The following TTLL3 variants were observed in gnomAD, a reference collection of about 807,000 sequenced individuals.
TTLL3 encodes the protein tubulin monoglycylase TTLL3.
A neutral mutation model predicts 75.2 loss-of-function variants in TTLL3; 63 were observed. That is an observed-to-expected ratio of 0.84 (90% CI 0.68 to 1.03). The LOEUF (loss-of-function observed/expected upper bound fraction) is 1.03, where lower values mean the gene tolerates loss of function less well. TTLL3 is among the 50% of genes least tolerant of loss of function. TTLL3 has a pLI of 0.00. For synonymous variants in TTLL3, 393 were observed against 418.5 expected, an observed-to-expected ratio of 0.94 and a Z score of 0.74; for missense variants, 997 against 1,069.9, an observed-to-expected ratio of 0.93 and a Z score of 0.95.
intron 8 of TTLL3, among the ~76,000 whole-genome samples, chr3:9,823,851 A>T (rs773082499): frequency 1.3e-5 from 2 of 152,248 alleles, no homozygotes; most frequent in Non-Finnish European, 2.9e-5. Context: ...GAAATGCGAG[A>T]GTCTGGATGA....
chr3:9,816,176 G>T lies in TTLL3; in HGVS notation c.418G>T (p.Ala140Ser). The T allele has an allele frequency of 8.1e-6, 11 of 1,354,052 alleles. No homozygotes were observed. Among genetic ancestry groups the T allele is most frequent in the Non-Finnish European group, 1.1e-5 (11 of 1,015,966 alleles). The allele number at this position is 1,354,052 out of a possible 1,614,324, so 83.9% of individuals were successfully genotyped here. Residue 140 changes from alanine (A) to serine (S), a missense_variant, in exon 5 of 14, where the codon GCC (alanine) becomes TCC (serine). Ala to Ser is a moderately conservative substitution (Grantham distance 99). Transcript: ENST00000685419. ...CAAGGATCAGATGATAAACCACTAC[G>T]CCCGGGCTGGCTCCTTTACCACAAA... ...LSKDQMINHY[A>S]RAGSFTTKVG...
At chr3:9,830,808 ATCTT>A (rs2081447321) in intron 11 of TTLL3, among the ~76,000 whole-genome samples, 1 of 151,704 alleles carries the variant, frequency 6.6e-6, no homozygotes, top group African/African-American at 2.4e-5. Context: ...CCCCCCAAAT[ATCTT>A]TTTTTTTTGA....
rs1372822183 is a variant in TTLL3 at position 9,834,699 on chromosome 3, G to T, written c.1844G>T (p.Ser615Ile). The T allele has an allele frequency of 6.2e-7, 1 of 1,613,926 alleles. No individual in the cohort carries two copies. The highest frequency in any genetic ancestry group is 2.2e-5 in the East Asian group (1 of 44,876). ...CCCACAGCCCGTCACCACTTCCCCA[G>T]CCTCCACACCAAGGCCCAGCTGCCT... ...GSGEARHHFPSLHTKAQLPSP... is the reference protein window; with the variant it reads ...GSGEARHHFPILHTKAQLPSP... The change falls in exon 13 of 14, where the codon AGC becomes ATC. Residue 615 changes from serine (S) to isoleucine (I), a missense_variant. Transcript: ENST00000685419.
chr3:9,817,259 T>G (rs2079964916), intron 5 of TTLL3, among the ~76,000 whole-genome samples: 1 of 151,942 alleles, frequency 6.6e-6, no homozygotes, highest in African/African-American at 2.4e-5. Flanking sequence ...GCCGTCTCTA[T>G]TAAAAATACA....
intron 10 of TTLL3, chr3:9,828,670 A>G (rs2081270131): frequency 2.2e-6 from 1 of 446,656 alleles, no homozygotes; most frequent in African/African-American, 2.0e-5. Context: ...CCACCCTCTT[A>G]TCTTCCAGAC....
intron 2 of TTLL3, among the ~76,000 whole-genome samples, chr3:9,812,025 C>G (rs1316647368): frequency 2.0e-5 from 3 of 152,252 alleles, no homozygotes; most frequent in African/African-American, 7.2e-5. Context: ...TGCTTAATTT[C>G]TCTATGCCTC....
chr3:9,833,757 C>T (rs1250369382), intron 12 of TTLL3, among the ~76,000 whole-genome samples: 1 of 152,154 alleles, frequency 6.6e-6, no homozygotes, highest in Non-Finnish European at 1.5e-5. Flanking sequence ...ATGAGGATCG[C>T]TTGAGCCCGG....
rs757476997 is a variant in TTLL3 at position 9,818,907 on chromosome 3, G to C, written c.645G>C (p.Glu215Asp). ...AGTCATACCCTATTCAGGCAGTAGAGGAAGAGGCCTCAGGTAAGTACTGTG... is the reference window on the plus strand; with the variant it reads ...AGTCATACCCTATTCAGGCAGTAGACGAAGAGGCCTCAGGTAAGTACTGTG... ...EWKSYPIQAV[E>D]EEASGDKQPK... Residue 215 changes from glutamate to aspartate, a missense_variant, in exon 7 of 14, where the codon GAG (glutamate) becomes GAC (aspartate). Physicochemically the swap from Glu to Asp is conservative, Grantham distance 45 (BLOSUM62 2). Transcript: ENST00000685419. 6.2e-7 allele frequency: 1 copy of C among 1,614,116 alleles called. No homozygotes were observed. Among genetic ancestry groups the C allele is most frequent in the Non-Finnish European group, 8.5e-7 (1 of 1,180,008 alleles).
chr3:9,820,447 C>T, intron 7 of TTLL3, 99 bp from the exon 8 acceptor site: 3 of 1,558,962 alleles, frequency 1.9e-6, no homozygotes, highest in Non-Finnish European at 2.6e-6. Context: ...TCGTGCTGGG[C>T]CTCAGGTAAG....
At position 9,827,119 on chromosome 3, in the gene TTLL3, A is replaced by C; in HGVS notation, c.1126A>C (p.Thr376Pro). 6.2e-7 allele frequency: 1 copy of C among 1,614,200 alleles called. No homozygotes were observed. Among genetic ancestry groups the C allele is most frequent in the Admixed American group, 1.7e-5 (1 of 60,022 alleles). The change falls in exon 10 of 14, where the codon ACC becomes CCC. Residue 376 changes from threonine (T) to proline (P), a missense_variant. Physicochemically the swap from Thr to Pro is conservative, Grantham distance 38 (BLOSUM62 -1). Transcript: ENST00000685419. ...YIERPLLIFG[T>P]KFDLRQWFLV... ...TGAGCGGCCCCTCCTCATCTTTGGC[A>C]CCAAGTTTGACCTCAGACAGTGGTT...
At position 9,835,648 on chromosome 3, in the gene TTLL3, C is replaced by A. The variant is rs2081983169; in HGVS notation, c.*159C>A. 2.8e-6 allele frequency: 2 copies of A among 713,478 alleles called. No individual in the cohort carries two copies. Among genetic ancestry groups the A allele is most frequent in the Non-Finnish European group, 4.4e-6 (2 of 450,646 alleles). The allele number at this position is 713,478 out of a possible 1,614,324, so 44.2% of individuals were successfully genotyped here. ...AAGAAACTGAGTCTGAAAGAGGAGG[C>A]ATGGCTTACCCAAGATCACGTGGCA... On this transcript the variant is annotated 3_prime_UTR_variant, in exon 14 of 14. Transcript: ENST00000685419.
chr3:9,831,633 G>A (rs999070368), intron 11 of TTLL3, among the ~76,000 whole-genome samples: 1 of 152,068 alleles, frequency 6.6e-6, no homozygotes, highest in African/African-American at 2.4e-5. Flanking sequence ...TAATTGTTTT[G>A]ATACCAGTTT....
Position 9,833,233 on chromosome 3 carries a change from G to A in TTLL3, c.1813G>A (p.Gly605Ser), listed in dbSNP as rs78141123. ...RPAVPLLTQR[G>S]SGEARHHFPS... is the part of the protein sequence containing the mutation. ...AGCAGTCCCTCTGCTGACCCAGCGAGGCTCTGGGGAAGGCAAGGACTCGGG... is the reference window on the plus strand; with the variant it reads ...AGCAGTCCCTCTGCTGACCCAGCGAAGCTCTGGGGAAGGCAAGGACTCGGG... The change falls in exon 12 of 14, where the codon GGC becomes AGC. Residue 605 changes from glycine to serine, a missense_variant. Gly to Ser is a moderately conservative substitution (Grantham distance 56). Coordinates refer to ENST00000685419, the MANE Select transcript of TTLL3 (RefSeq NM_001387446.1). 1.4e-4 allele frequency: 222 copies of A among 1,614,018 alleles called. 1 individual carries two copies. In the East Asian group the frequency reaches 2.7e-3, roughly 20 times the overall value.
intron 11 of TTLL3, among the ~76,000 whole-genome samples, chr3:9,829,856 T>C (rs575456271): frequency 6.6e-6 from 1 of 152,348 alleles, no homozygotes; most frequent in East Asian, 1.9e-4. Context: ...CATTTATTTA[T>C]TTTTGAGACA....
chr3:9,818,805 C>T lies in TTLL3; in HGVS notation c.560-17C>T. 6.2e-7 allele frequency: 1 copy of T among 1,613,970 alleles called. No individual in the cohort carries two copies. On this transcript the variant is annotated splice_polypyrimidine_tract_variant and intron_variant, in intron 6 of 13. Coordinates refer to ENST00000685419, the MANE Select transcript of TTLL3 (RefSeq NM_001387446.1). Reference sequence around the variant, plus strand: ...AAGCCTAGGGGCTGAGCAGGGTATCCCCTGGCCTGGGAGCAGAGGACTTCT... The same window carrying T: ...AAGCCTAGGGGCTGAGCAGGGTATCTCCTGGCCTGGGAGCAGAGGACTTCT...
chr3:9,818,445 T>G lies in TTLL3; in HGVS notation c.560-377T>G, dbSNP rs183989519. 4.7e-3 allele frequency: 861 copies of G among 184,684 alleles called. 9 individuals carry two copies. The highest frequency in any genetic ancestry group is 0.019 in the African/African-American group (803 of 42,302). 11.4% of individuals were successfully genotyped at this position (184,684 alleles called of 1,614,324 possible). A position where few individuals can be genotyped will look rare whatever the true frequency, so the allele number is the denominator to read the frequency against. On this transcript the variant is annotated intron_variant, in intron 6 of 13. Coordinates refer to ENST00000685419, the MANE Select transcript of TTLL3 (RefSeq NM_001387446.1). Reference sequence around the variant, plus strand: ...GTGCAGTGGCGCGATCTTGGCTCACTGCAAGCTCCGCCTCCCAGGTTCCCG... The same window carrying G: ...GTGCAGTGGCGCGATCTTGGCTCACGGCAAGCTCCGCCTCCCAGGTTCCCG...
At position 9,835,079 on chromosome 3, in the gene TTLL3, TC is replaced by T. The variant is rs767784578; in HGVS notation, c.2053-13del. 1.2e-5 allele frequency: 19 copies of T among 1,597,672 alleles called. No homozygotes were observed. The South Asian group carries it at 2.0e-4, about 17-fold the overall frequency. ...TTCTGATCATCTCCCTCTTCTCCCC[TC>T]CTTTCACACCGAGGCTCCTGCTCTC... On this transcript the variant is annotated splice_polypyrimidine_tract_variant and intron_variant, in intron 13 of 13. Transcript: ENST00000685419.
rs536927884 is a variant in TTLL3 at position 9,814,446 on chromosome 3, G to T, written c.315+1101G>T. On this transcript the variant is annotated intron_variant, in intron 4 of 13. Transcript: ENST00000685419. ...GGATCACCTGAGGTCAGGAGTTCAA[G>T]ACCAACCGGGCCAACATGGTGAAAC... Among the ~76,000 whole-genome samples, 3 of 152,260 alleles carry T rather than the reference G, an allele frequency of 2.0e-5. No individual in the cohort carries two copies. In the South Asian group the frequency reaches 6.2e-4, roughly 32 times the overall value.
At chr3:9,826,024 G>A (rs1575399390) in intron 9 of TTLL3, 76 bp downstream of exon 9, 1 of 1,556,624 alleles carries the variant, frequency 6.4e-7, no homozygotes. Flanking sequence ...GAAGTTAATA[G>A]TGCAGGTCTA....
Sources: allele counts gnomAD v4.1 joint callset (sites outside exome capture counted in the v4.1 genomes callset), GRCh38; gene constraint gnomAD v4.1.1; transcripts MANE v1.5; gene names NCBI Gene and HGNC (gene_info 2026-07-23, HGNC 2026-07-21).